Variants in ARFIP1 observed in about 807,000 individuals in gnomAD.
ARFIP1 encodes the protein ARF interacting protein 1, also known as arfaptin-1.
ARFIP1 carries 24 observed loss-of-function variants against 42.5 expected under a neutral mutation model. The ratio of observed to expected loss-of-function variants is 0.57; its 90% CI spans 0.41 to 0.80. The LOEUF (loss-of-function observed/expected upper bound fraction) is 0.80, where lower values mean the gene tolerates loss of function less well. Ranked by LOEUF, ARFIP1 falls within the 30% of genes least tolerant of loss-of-function variation. ARFIP1 has a pLI of 0.00. For synonymous variants in ARFIP1, 141 were observed against 153.7 expected (o/e 0.92, Z 0.61); for missense variants, 354 against 434.0 (o/e 0.82, Z 1.64).
intron 8 of ARFIP1, among the ~76,000 whole-genome samples, chr4:152,889,521 A>G (rs1736549825): frequency 1.1e-5 from 1 of 89,030 alleles, no homozygotes; most frequent in African/African-American, 3.5e-5. Flanking sequence ...ATATATATAT[A>G]TATATATATA....
chr4:152,880,454 T>G (rs72968475), intron 5 of ARFIP1, among the ~76,000 whole-genome samples: 1 of 152,030 alleles, frequency 6.6e-6, no homozygotes, highest in African/African-American at 2.4e-5. Context: ...AGTAACTTAG[T>G]AGTTTCTCTC....
chr4:152,839,576 C>T (rs951499111), intron 2 of ARFIP1, among the ~76,000 whole-genome samples: 1 of 152,130 alleles, frequency 6.6e-6, no homozygotes, highest in African/African-American at 2.4e-5. Flanking sequence ...TAAAGGTGTT[C>T]ATAGTAGCCT....
chr4:152,862,798 C>A (rs1733995198), intron 2 of ARFIP1, among the ~76,000 whole-genome samples: 1 of 152,144 alleles, frequency 6.6e-6, no homozygotes, highest in Non-Finnish European at 1.5e-5. Context: ...CTACATTATT[C>A]ATAATTGTTG....
In ARFIP1 at chr4:152,831,753, A is replaced by G. The variant is rs139018668; in HGVS notation, c.93+2027A>G. On this transcript the variant is annotated intron_variant, in intron 2 of 8. Coordinates refer to ENST00000353617, the MANE Select transcript of ARFIP1 (RefSeq NM_001025595.3). ...GTGAGATTCAGTCATATTGTTGCTT[A>G]TAGCAGTTTTTCTATCTTTTTTTTT... Among the ~76,000 whole-genome samples the G allele has an allele frequency of 2.4e-3, 359 of 152,246 alleles. 2 individuals carry two copies. The highest frequency in any genetic ancestry group is 8.2e-3 in the African/African-American group (339 of 41,540).
rs1738746662 is a variant in ARFIP1 at position 152,910,338 on chromosome 4, A to G, written c.*119A>G. 8.4e-7 allele frequency: 1 copy of G among 1,185,956 alleles called. No homozygotes were observed. Among genetic ancestry groups the G allele is most frequent in the East Asian group, 2.6e-5 (1 of 38,608 alleles). The allele number at this position is 1,185,956 out of a possible 1,614,324, so 73.5% of individuals were successfully genotyped here. Reference sequence around the variant, plus strand: ...ACAAGCATTATAGTGATTCTTGCACAAACAGCTTTAATTTTTCCCTTTTTC... The same window carrying G: ...ACAAGCATTATAGTGATTCTTGCACGAACAGCTTTAATTTTTCCCTTTTTC... On this transcript the variant is annotated 3_prime_UTR_variant, in exon 9 of 9. Transcript: ENST00000353617.
rs1736420221 is a variant in ARFIP1 at position 152,888,154 on chromosome 4, C to T, written c.813C>T (p.Arg271=). Residue 271 remains arginine (R), a synonymous_variant, in exon 8 of 9, where the codon CGC becomes CGT. Coordinates refer to ENST00000353617, the MANE Select transcript of ARFIP1 (RefSeq NM_001025595.3). ...ESARIEYDAY[R]TDLEELNLGP... ...CCAGGATTGAATATGATGCATATCG[C>T]ACTGATTTGGAAGAACTGAATCTTG... is the stretch of plus-strand genomic sequence containing the variant. The T allele has an allele frequency of 3.1e-6, 5 of 1,609,046 alleles. No homozygotes were observed. The East Asian group carries it at 1.1e-4, about 36-fold the overall frequency.
chr4:152,907,055 C>A (rs1738419272), intron 8 of ARFIP1, among the ~76,000 whole-genome samples: 1 of 152,176 alleles, frequency 6.6e-6, no homozygotes, highest in Non-Finnish European at 1.5e-5. Flanking sequence ...TAACATGTAT[C>A]ACCATCTAAC....
intron 1 of ARFIP1, chr4:152,796,560 T>C (rs1731483083): frequency 2.5e-6 from 2 of 789,062 alleles, no homozygotes; most frequent in Non-Finnish European, 4.5e-6. Context: ...AGATTGTCTC[T>C]CTGTCCTGCT....
chr4:152,809,272 G>A (rs1002891527), intron 1 of ARFIP1, among the ~76,000 whole-genome samples: 9 of 152,096 alleles, frequency 5.9e-5, no homozygotes, highest in African/African-American at 2.2e-4. Context: ...ATGCATAGTG[G>A]CCATTCATAT....
chr4:152,800,499 AAAC>A lies in ARFIP1; in HGVS notation c.-10+20274_-10+20276del, dbSNP rs1169429072. Among the ~76,000 whole-genome samples, 13 of 152,302 alleles carry A rather than the reference AAAC, an allele frequency of 8.5e-5. No homozygotes were observed. In the East Asian group the frequency reaches 2.3e-3, roughly 27 times the overall value. On this transcript the variant is annotated intron_variant, in intron 1 of 8. Transcript: ENST00000353617. Reference sequence around the variant, plus strand: ...TAAATTTAGGAAACTGTATAGAAAAAAACTATTTAAAAGTAGAAGCAAGAAATT... The same window carrying A: ...TAAATTTAGGAAACTGTATAGAAAAATATTTAAAAGTAGAAGCAAGAAATT...
At position 152,910,896 on chromosome 4, in the gene ARFIP1, T is replaced by C. The variant is rs188515130; in HGVS notation, c.*677T>C. 9 of 152,680 alleles carry C rather than the reference T, an allele frequency of 5.9e-5. No individual in the cohort carries two copies. The highest frequency in any genetic ancestry group is 2.1e-4 in the South Asian group (1 of 4,824). The allele number at this position is 152,680 out of a possible 1,614,324, so 9.5% of individuals were successfully genotyped here. ...ATGAATTTGCTTCACCCGAAGTCAT[T>C]GGACAGTTACATTTGCAATTTCTTT... On this transcript the variant is annotated 3_prime_UTR_variant, in exon 9 of 9. Coordinates refer to ENST00000353617, the MANE Select transcript of ARFIP1 (RefSeq NM_001025595.3).
intron 2 of ARFIP1, among the ~76,000 whole-genome samples, chr4:152,859,292 G>T (rs1328643444): frequency 6.6e-6 from 1 of 152,070 alleles, no homozygotes; most frequent in African/African-American, 2.4e-5. Context: ...AAATTCCCGA[G>T]CTCAAGCGAT....
intron 2 of ARFIP1, among the ~76,000 whole-genome samples, chr4:152,863,313 A>T (rs1734036860): frequency 6.6e-6 from 1 of 152,172 alleles, no homozygotes; most frequent in South Asian, 2.1e-4. Context: ...AATTTTTCTG[A>T]TGTATCAGTA....
At chr4:152,861,766 A>G (rs62319915) in intron 2 of ARFIP1, among the ~76,000 whole-genome samples, 3,893 of 152,290 alleles carry the variant, frequency 0.026, 60 homozygotes, top group Non-Finnish European at 0.041. Context: ...TTTCAGTAGT[A>G]TATATTATCT....
At chr4:152,806,535 A>G (rs1292006573) in intron 1 of ARFIP1, among the ~76,000 whole-genome samples, 2 of 152,200 alleles carry the variant, frequency 1.3e-5, no homozygotes, top group Non-Finnish European at 2.9e-5. Flanking sequence ...TATTGAGGTA[A>G]AATTTACATA....
In ARFIP1 at chr4:152,819,594, G is replaced by A. The variant is rs1010805519; in HGVS notation, c.-9-10031G>A. 2.0e-5 allele frequency among the ~76,000 whole-genome samples: 3 copies of A among 152,290 alleles called. No individual in the cohort carries two copies. The South Asian group carries it at 6.2e-4, about 32-fold the overall frequency. ...AGGATTCACAGTATGGGCCCTCAGC[G>A]ACTGCTACTCCTAGGGGAAGGGAGT... On this transcript the variant is annotated intron_variant, in intron 1 of 8. Transcript: ENST00000353617.
chr4:152,829,324 A>AT (rs138750069), intron 1 of ARFIP1, among the ~76,000 whole-genome samples: 124 of 150,698 alleles, frequency 8.2e-4, no homozygotes, highest in African/African-American at 2.5e-3. Context: ...GCTTTCTGTA[A>AT]TTTTTTTTTT....
intron 8 of ARFIP1, among the ~76,000 whole-genome samples, chr4:152,896,879 A>G (rs2149905428): frequency 6.6e-6 from 1 of 152,288 alleles, no homozygotes; most frequent in East Asian, 1.9e-4. Flanking sequence ...TCAAAATTAG[A>G]TGATTAATTC....
chr4:152,902,666 T>G (rs536104763), intron 8 of ARFIP1, among the ~76,000 whole-genome samples: 1 of 152,346 alleles, frequency 6.6e-6, no homozygotes, highest in African/African-American at 2.4e-5. Flanking sequence ...TCTGTGCTCC[T>G]CAGTTCCTGT....
Sources: gnomAD v4.1 joint callset for allele counts (sites outside exome capture counted in the v4.1 genomes callset) on GRCh38, gnomAD v4.1.1 for gene constraint, MANE v1.5 for transcripts, NCBI Gene and HGNC (gene_info 2026-07-23, HGNC 2026-07-21) for gene names.